ATAD2B: variants seen among roughly 807,000 people sequenced by gnomAD.
ATAD2B encodes ATPase family AAA domain containing 2B.
In ATAD2B, 40 loss-of-function variants were observed where a neutral mutation model predicts 167.6. The observed-to-expected ratio is 0.24, with a 90% CI of 0.19 to 0.31. ATAD2B has a LOEUF of 0.31. Ranked by LOEUF, ATAD2B falls within the 10% of genes least tolerant of loss-of-function variation. The pLI is 1.00. For missense variants in ATAD2B, 1,242 were observed against 1,757.2 expected, an observed-to-expected ratio of 0.71 and a Z score of 5.24; for synonymous variants, 579 against 596.5, an observed-to-expected ratio of 0.97 and a Z score of 0.43.
At chr2:23,725,518 T>G in the ATAD2B span, among the ~76,000 whole-genome samples, 1 of 152,206 alleles carries the variant, frequency 6.6e-6, no homozygotes, top group East Asian at 1.9e-4. Flanking sequence ...AAATATAACA[T>G]ATGGCTGGAA....
At chr2:23,858,331 G>C (rs1309758024) in intron 12 of ATAD2B, among the ~76,000 whole-genome samples, 2 of 151,224 alleles carry the variant, frequency 1.3e-5, no homozygotes, top group Admixed American at 6.6e-5. Context: ...ATGTTGGCCA[G>C]GCTGTTCTCA....
chr2:23,871,939 G>A (rs982093291), intron 8 of ATAD2B, among the ~76,000 whole-genome samples: 2 of 152,028 alleles, frequency 1.3e-5, no homozygotes, highest in African/African-American at 4.8e-5. Context: ...GTGCAATGGC[G>A]CAATCTCGAC....
intron 8 of ATAD2B, 22 bp downstream of exon 8, chr2:23,875,807 T>C (rs1696738012): frequency 6.5e-7 from 1 of 1,534,462 alleles, no homozygotes; most frequent in South Asian, 1.2e-5. Flanking sequence ...TGCAAATGTT[T>C]CCTTTCAAAA....
intron 17 of ATAD2B, among the ~76,000 whole-genome samples, chr2:23,818,093 CA>C (rs1558590483): frequency 5.3e-4 from 16 of 30,474 alleles, no homozygotes; most frequent in Non-Finnish European, 9.5e-4. Context: ...CACACACACA[CA>C]TTACACACAC....
At chr2:23,794,175 A>G (rs1340156222) in intron 19 of ATAD2B, among the ~76,000 whole-genome samples, 2 of 152,152 alleles carry the variant, frequency 1.3e-5, no homozygotes, top group African/African-American at 4.8e-5. Flanking sequence ...ATACCCAGCT[A>G]ATTTTTGTAT....
intron 14 of ATAD2B, 80 bp from the exon 15 acceptor site, chr2:23,829,019 G>A (rs574378950): frequency 4.5e-5 from 41 of 906,170 alleles, no homozygotes; most frequent in South Asian, 3.6e-4. Context: ...CCTCAAATAC[G>A]TTAGGTGGAA....
the ATAD2B span, chr2:23,695,611 T>C: frequency 1.2e-3 from 1,827 of 1,542,780 alleles, 9 homozygotes; most frequent in Non-Finnish European, 5.0e-4. This position sits in a 1 kb window ranked among gnomAD's most constrained non-coding sequence, Gnocchi z 7.6. Context: ...TTCTGTCTCC[T>C]GTACCCTGCA....
chr2:23,865,072 G>A lies in ATAD2B; in HGVS notation c.1189-148C>T, dbSNP rs139957545. 3 of 485,280 alleles carry A rather than the reference G, an allele frequency of 6.2e-6. No homozygotes were observed. The Admixed American group carries it at 1.2e-4, about 20-fold the overall frequency. The allele number at this position is 485,280 out of a possible 1,614,324, so 30.1% of individuals were successfully genotyped here. On this transcript the variant is annotated intron_variant, in intron 10 of 27. Coordinates refer to ENST00000238789, the MANE Select transcript of ATAD2B (RefSeq NM_017552.4). The stretch of plus-strand genomic sequence containing the variant: ...ACTACAAATAAGTGTAGAAAAAAAA[G>A]GCCAACAATAAAATCCAAGTTTACA...
intron 10 of ATAD2B, among the ~76,000 whole-genome samples, chr2:23,866,212 C>T (rs1481840631): frequency 6.6e-6 from 1 of 152,166 alleles, no homozygotes; most frequent in African/African-American, 2.4e-5. Context: ...TCGAGACCAG[C>T]TTGACCAACA....
At chr2:23,922,330 G>A (rs1458755943) in intron 1 of ATAD2B, among the ~76,000 whole-genome samples, 1 of 152,118 alleles carries the variant, frequency 6.6e-6, no homozygotes, top group East Asian at 1.9e-4. Flanking sequence ...ATGACTGAGG[G>A]CCAGATTAAC....
chr2:23,859,938 A>G, intron 12 of ATAD2B, among the ~76,000 whole-genome samples: 1 of 151,440 alleles, frequency 6.6e-6, no homozygotes, highest in Non-Finnish European at 1.5e-5. Flanking sequence ...TGACAGAGCG[A>G]GACTCAGCCT....
the ATAD2B span, among the ~76,000 whole-genome samples, chr2:23,698,657 A>G: frequency 2.6e-5 from 4 of 152,236 alleles, no homozygotes; most frequent in African/African-American, 9.6e-5. Flanking sequence ...CCTGTATTAT[A>G]TCATTATATA....
At chr2:23,887,252 A>C (rs908425832) in intron 4 of ATAD2B, among the ~76,000 whole-genome samples, 2 of 151,652 alleles carry the variant, frequency 1.3e-5, no homozygotes, top group African/African-American at 2.4e-5. Flanking sequence ...CGAGGGATTG[A>C]GGTCTCACTA....
the ATAD2B span, among the ~76,000 whole-genome samples, chr2:23,714,336 T>C: frequency 6.7e-6 from 1 of 149,390 alleles, no homozygotes; most frequent in Non-Finnish European, 1.5e-5. Context: ...GCCTCCTGGG[T>C]TCACACCATT....
the ATAD2B span, chr2:23,706,436 G>C: frequency 5.8e-6 from 8 of 1,390,240 alleles, no homozygotes; most frequent in Admixed American, 6.0e-5. Context: ...CCAGGGCCAA[G>C]TTGGAAGTGA....
chr2:23,798,206 T>C lies in ATAD2B; in HGVS notation c.2572A>G (p.Ile858Val), dbSNP rs1682906325. 1 of 1,607,552 alleles carries C rather than the reference T, an allele frequency of 6.2e-7. No individual in the cohort carries two copies. Among genetic ancestry groups the C allele is most frequent in the Non-Finnish European group, 8.5e-7 (1 of 1,175,346 alleles). Reference protein sequence around the residue: ...RATFLTLLQDIPSFSPIFLLS... With the variant: ...RATFLTLLQDVPSFSPIFLLS... The stretch of plus-strand genomic sequence containing the variant: ...AAAAATATAGGTGAAAATGATGGTA[T>C]ATCTTGTAGCAATGTCAGAAAAGTT... The change falls in exon 19 of 28, where the codon ATA (isoleucine) becomes GTA (valine). Residue 858 changes from isoleucine to valine, a missense_variant. Coordinates refer to ENST00000238789, the MANE Select transcript of ATAD2B (RefSeq NM_017552.4).
chr2:23,812,804 A>C (rs1350026841), intron 17 of ATAD2B, among the ~76,000 whole-genome samples: 4 of 147,948 alleles, frequency 2.7e-5, no homozygotes, highest in African/African-American at 1.0e-4. Flanking sequence ...CAGAGGTTGC[A>C]GTGAGCCAAG....
the ATAD2B span, among the ~76,000 whole-genome samples, chr2:23,743,193 T>C: frequency 6.7e-6 from 1 of 149,580 alleles, no homozygotes; most frequent in Non-Finnish European, 1.5e-5. Context: ...CAATGCAAAA[T>C]TGGAAAGGGT....
chr2:23,719,188 C>T, the ATAD2B span, among the ~76,000 whole-genome samples: 1 of 152,084 alleles, frequency 6.6e-6, no homozygotes, highest in South Asian at 2.1e-4. Context: ...TGGACCTAGC[C>T]GAGTTGACTG....
Sources: allele counts gnomAD v4.1 joint callset (sites outside exome capture counted in the v4.1 genomes callset), GRCh38; gene constraint gnomAD v4.1.1; non-coding constraint Gnocchi (gnomAD v3.1); transcripts MANE v1.5; gene names NCBI Gene and HGNC (gene_info 2026-07-23, HGNC 2026-07-21).